The following PXDN variants were observed in gnomAD, a reference collection of about 807,000 sequenced individuals.
PXDN encodes peroxidasin.
PXDN carries 77 observed loss-of-function variants against 140.3 expected under a neutral mutation model. The ratio of observed to expected loss-of-function variants is 0.55; its 90% CI spans 0.46 to 0.66. The LOEUF (loss-of-function observed/expected upper bound fraction) is 0.66, where lower values mean the gene tolerates loss of function less well. PXDN is among the 30% of genes least tolerant of loss of function. The pLI is 0.00. For missense variants in PXDN, 1,838 were observed against 2,039.5 expected (o/e 0.90, Z 1.90); for synonymous variants, 911 against 857.4 (o/e 1.06, Z -1.09).
At chr2:1,744,539 CCCAGCTGTGCGCGGGGGGCGGGGGGCG>C (rs1685647294), upstream of PXDN, 5 of 1,152,166 alleles carry the variant, frequency 4.3e-6, no homozygotes, top group Non-Finnish European at 5.5e-6. Context: ...CGGCCCACGT[CCCAGCTGTGCGCGGGGGGCGGGGGGCG>C]CCAGCTGTGC....
chr2:1,653,148 C>T (rs576077112), intron 16 of PXDN: 2 of 247,918 alleles, frequency 8.1e-6, no homozygotes, highest in South Asian at 5.7e-5. Flanking sequence ...GACATACCTC[C>T]CCCAACAGCA....
chr2:1,697,851 T>C (rs1477420006), intron 1 of PXDN, among the ~76,000 whole-genome samples: 3 of 152,156 alleles, frequency 2.0e-5, no homozygotes, highest in African/African-American at 7.2e-5. Context: ...AGGACCCTTC[T>C]CCCAACAAGC....
intron 6 of PXDN, 45 bp downstream of exon 6, chr2:1,683,611 A>G: frequency 8.3e-7 from 1 of 1,202,160 alleles, no homozygotes; most frequent in East Asian, 3.0e-5. Context: ...AACAGAGAGA[A>G]AGAAGGCTTT....
At chr2:1,717,671 T>C (rs1684925623) in intron 1 of PXDN, among the ~76,000 whole-genome samples, 3 of 152,138 alleles carry the variant, frequency 2.0e-5, no homozygotes, top group Admixed American at 2.0e-4. Flanking sequence ...TGGACTACTC[T>C]ACTGACCTGC....
At chr2:1,666,177 C>T (rs769427297) in intron 10 of PXDN, 37 bp downstream of exon 10, 1 of 1,606,842 alleles carries the variant, frequency 6.2e-7, no homozygotes, top group Non-Finnish European at 8.5e-7. Context: ...GAGGATGGGG[C>T]TGAGCCCTGG....
intron 17 of PXDN, among the ~76,000 whole-genome samples, chr2:1,646,761 G>A (rs1682858762): frequency 6.6e-6 from 1 of 152,142 alleles, no homozygotes. Flanking sequence ...AGAAGAAAGG[G>A]TTTTTCTTCT....
chr2:1,635,718 G>A, intron 21 of PXDN, 197 bp from the exon 22 acceptor site: 1 of 590,094 alleles, frequency 1.7e-6, no homozygotes. Flanking sequence ...CCCAATGGAA[G>A]ACATTCCCAC....
chr2:1,661,770 T>C (rs527391543), intron 13 of PXDN, among the ~76,000 whole-genome samples: 17 of 152,388 alleles, frequency 1.1e-4, no homozygotes, highest in African/African-American at 3.8e-4. Context: ...TTTTCTTTGC[T>C]TTTGTTATTG....
At chr2:1,657,643 C>T (rs903187601) in intron 14 of PXDN, among the ~76,000 whole-genome samples, 1 of 151,646 alleles carries the variant, frequency 6.6e-6, no homozygotes, top group Non-Finnish European at 1.5e-5. Context: ...GAACTACCCT[C>T]TCTTGACAGC....
At chr2:1,708,531 G>A (rs887604961) in intron 1 of PXDN, among the ~76,000 whole-genome samples, 3 of 152,152 alleles carry the variant, frequency 2.0e-5, no homozygotes, top group Non-Finnish European at 4.4e-5. Flanking sequence ...CCTTTACAGA[G>A]GCAGAAACAG....
Position 1,649,576 on chromosome 2 carries a change from A to C in PXDN, c.2204T>G (p.Met735Arg), listed in dbSNP as rs540227721. ...AHRRVNNCSDMCFHQKYRTHD... is the reference protein window; with the variant it reads ...AHRRVNNCSDRCFHQKYRTHD... ...CGTCCGGTACTTCTGGTGGAAGCAC[A>C]TGTCCGAGCAGTTGTTCACGCGCCG... The change falls in exon 17 of 23, where the codon ATG becomes AGG. Residue 735 changes from methionine to arginine, a missense_variant. Met to Arg is a moderately conservative substitution (Grantham distance 91). Transcript: ENST00000252804. This position sits in a 1 kb window ranked among gnomAD's most constrained non-coding sequence, Gnocchi z 7.1. 2.8e-5 allele frequency: 46 copies of C among 1,614,042 alleles called. 1 individual carries two copies. In the South Asian group the frequency reaches 5.1e-4, roughly 18 times the overall value.
intron 11 of PXDN, chr2:1,664,585 A>G: frequency 5.0e-6 from 1 of 199,962 alleles, no homozygotes; most frequent in Non-Finnish European, 1.0e-5. Context: ...ATATTCCTCG[A>G]CTGTTTCCAG....
chr2:1,682,307 G>A (rs540635506), intron 6 of PXDN, among the ~76,000 whole-genome samples: 1 of 151,966 alleles, frequency 6.6e-6, no homozygotes, highest in Non-Finnish European at 1.5e-5. Context: ...TCCTACCCAG[G>A]ATGTAGTTTT....
intron 7 of PXDN, among the ~76,000 whole-genome samples, chr2:1,679,088 ATGTGTG>A (rs111613941): frequency 0.012 from 1,753 of 147,992 alleles, 18 homozygotes; most frequent in South Asian, 0.026. Context: ...ATGTGCATGC[ATGTGTG>A]TGTGTGTGTG....
chr2:1,728,891 G>C (rs1307284373), intron 1 of PXDN, among the ~76,000 whole-genome samples: 1 of 152,232 alleles, frequency 6.6e-6, no homozygotes, highest in Admixed American at 6.5e-5. Context: ...GAGTCCTCTA[G>C]AAGCGAGACA....
At position 1,720,753 on chromosome 2, in the gene PXDN, C is replaced by CAT. The variant is rs202080672; in HGVS notation, c.200+23502_200+23503insAT. Among the ~76,000 whole-genome samples, 9 of 148,876 alleles carry CAT rather than the reference C, an allele frequency of 6.0e-5. 1 individual carries two copies. In the East Asian group the frequency reaches 1.8e-3, roughly 29 times the overall value. Reference sequence around the variant, plus strand: ...ACACACACACACACACACACACACACGTACACATATCCTGTGGTTTCCATT... The same window carrying CAT: ...ACACACACACACACACACACACACACATGTACACATATCCTGTGGTTTCCATT... On this transcript the variant is annotated intron_variant, in intron 1 of 22. Transcript: ENST00000252804.
In PXDN at chr2:1,714,470, A is replaced by G. The variant is rs1684852000; in HGVS notation, c.201-21336T>C. Among the ~76,000 whole-genome samples the G allele has an allele frequency of 1.3e-5, 2 of 151,932 alleles. No individual in the cohort carries two copies. Among genetic ancestry groups the G allele is most frequent in the South Asian group, 2.1e-4 (1 of 4,816 alleles). On this transcript the variant is annotated intron_variant, in intron 1 of 22. Coordinates refer to ENST00000252804, the MANE Select transcript of PXDN (RefSeq NM_012293.3). This position sits in a 1 kb window ranked among gnomAD's most constrained non-coding sequence, Gnocchi z 4.3. The stretch of plus-strand genomic sequence containing the variant: ...AACTTCCAACCCCTTCCTCATCACC[A>G]CCAATCCTCGCCCAGCAATGACCGC...
intron 7 of PXDN, among the ~76,000 whole-genome samples, chr2:1,679,600 CGT>C (rs147685088): frequency 0.34 from 22,061 of 64,806 alleles, 3,286 homozygotes; most frequent in African/African-American, 0.53. Flanking sequence ...CGTGTATGTG[CGT>C]GTGTGTGTGT....
intron 1 of PXDN, among the ~76,000 whole-genome samples, chr2:1,728,979 G>T (rs1004260326): frequency 6.6e-6 from 1 of 152,316 alleles, no homozygotes; most frequent in South Asian, 2.1e-4. Context: ...CCGCCCCGGG[G>T]AACAGCAGGC....
Sources: allele counts gnomAD v4.1 joint callset (sites outside exome capture counted in the v4.1 genomes callset), GRCh38; gene constraint gnomAD v4.1.1; non-coding constraint Gnocchi (gnomAD v3.1); transcripts MANE v1.5; gene names NCBI Gene and HGNC (gene_info 2026-07-23, HGNC 2026-07-21).